Variants in NFX1 observed in about 807,000 individuals in gnomAD.
The protein encoded by NFX1 is transcriptional repressor NF-X1.
Under a neutral mutation model 137.2 loss-of-function variants are expected in NFX1, and 69 were observed. The ratio of observed to expected loss-of-function variants is 0.50; its 90% CI spans 0.41 to 0.61. The LOEUF is 0.61. Among genes scored for constraint, NFX1 ranks in the 20% least tolerant of loss-of-function variants. The probability of loss-of-function intolerance (pLI) is 0.00; values close to 1 mark genes in which losing one functional copy is unlikely to be tolerated. For synonymous variants in NFX1, 495 were observed against 474.1 expected (o/e 1.04, Z -0.57); for missense variants, 1,167 against 1,391.0 (o/e 0.84, Z 2.56).
intron 16 of NFX1, 95 bp downstream of exon 16, chr9:33,351,885 T>A: frequency 9.4e-7 from 1 of 1,058,616 alleles, no homozygotes; most frequent in Non-Finnish European, 1.3e-6. Context: ...GCATGCATCT[T>A]AATTAAGGGT....
chr9:33,297,995 T>C (rs1821419340), intron 2 of NFX1, among the ~76,000 whole-genome samples: 1 of 152,324 alleles, frequency 6.6e-6, no homozygotes, highest in African/African-American at 2.4e-5. Flanking sequence ...ATTATTCATA[T>C]CATTTTTGAG....
At chr9:33,348,773 A>T in intron 15 of NFX1, 1 of 985,184 alleles carries the variant, frequency 1.0e-6, no homozygotes. Flanking sequence ...TGCTACTGAG[A>T]AAGAAATACT....
intron 23 of NFX1, 30 bp from the exon 24 acceptor site, chr9:33,369,876 A>T (rs1248662601): frequency 9.6e-6 from 15 of 1,556,618 alleles, no homozygotes; most frequent in African/African-American, 1.4e-5. Flanking sequence ...CAAAGAAGAA[A>T]AGACTGATCA....
At position 33,333,147 on chromosome 9, in the gene NFX1, G is replaced by A. The variant is rs558902080; in HGVS notation, c.2035+645G>A. On this transcript the variant is annotated intron_variant, in intron 11 of 23. Transcript: ENST00000379540. The stretch of plus-strand genomic sequence containing the variant: ...AGGCATGAGTCACCACACCGGCCTC[G>A]ATTCCTGTTTTTATAACCGACACAT... Among the ~76,000 whole-genome samples the A allele has an allele frequency of 8.5e-4, 129 of 152,200 alleles. 1 individual carries two copies. Among genetic ancestry groups the A allele is most frequent in the South Asian group, 1.9e-3 (9 of 4,816 alleles).
intron 6 of NFX1, among the ~76,000 whole-genome samples, chr9:33,311,694 A>T (rs1821966005): frequency 6.6e-6 from 1 of 152,098 alleles, no homozygotes; most frequent in African/African-American, 2.4e-5. Context: ...CTGGGATTAC[A>T]GGCGCCTGCC....
chr9:33,347,005 AG>A (rs746325425), intron 14 of NFX1, 32 bp from the exon 15 acceptor site: 2 of 1,551,322 alleles, frequency 1.3e-6, no homozygotes, highest in South Asian at 2.2e-5. Flanking sequence ...TTATTTAGAA[AG>A]TATTCCTAAA....
intron 7 of NFX1, among the ~76,000 whole-genome samples, chr9:33,315,446 C>T (rs550060554): frequency 1.3e-5 from 2 of 152,270 alleles, no homozygotes; most frequent in South Asian, 2.1e-4. Flanking sequence ...AATATACTCT[C>T]TCCTTCGTCT....
At chr9:33,343,047 ATGAACAG>A (rs1303521942) in intron 13 of NFX1, among the ~76,000 whole-genome samples, 193 bp downstream of exon 13, 2 of 152,200 alleles carry the variant, frequency 1.3e-5, no homozygotes, top group African/African-American at 4.8e-5. Context: ...AACTTGGGAT[ATGAACAG>A]TGATCCTGAG....
chr9:33,366,897 A>G (rs1389822413), intron 22 of NFX1, 123 bp downstream of exon 22: 1 of 1,254,764 alleles, frequency 8.0e-7, no homozygotes, highest in East Asian at 2.6e-5. Flanking sequence ...TAGAAGGAAA[A>G]TCTGCTTCTC....
chr9:33,335,291 C>T (rs1476171123), intron 11 of NFX1, among the ~76,000 whole-genome samples: 4 of 141,858 alleles, frequency 2.8e-5, no homozygotes, highest in African/African-American at 1.1e-4. Flanking sequence ...AGTGCAGTGG[C>T]GCAATCTCAG....
chr9:33,301,901 A>G (rs1040538429), intron 3 of NFX1, among the ~76,000 whole-genome samples: 6 of 152,094 alleles, frequency 3.9e-5, no homozygotes, highest in Non-Finnish European at 7.4e-5. Context: ...GCAAAACTCC[A>G]TCTCTACTAA....
intron 7 of NFX1, among the ~76,000 whole-genome samples, 160 bp downstream of exon 7, chr9:33,313,953 C>G (rs1822058622): frequency 6.6e-6 from 1 of 151,984 alleles, no homozygotes; most frequent in African/African-American, 2.4e-5. Flanking sequence ...TATTATTTTA[C>G]CTGCATACCA....
intron 2 of NFX1, among the ~76,000 whole-genome samples, chr9:33,299,831 C>T (rs1821488591): frequency 6.6e-6 from 1 of 152,166 alleles, no homozygotes. Context: ...TCTCCCTTCT[C>T]CTGAGCTTTC....
chr9:33,290,681 T>A, intron 1 of NFX1, 84 bp downstream of exon 1: 1 of 1,395,484 alleles, frequency 7.2e-7, no homozygotes, highest in Non-Finnish European at 9.8e-7. Flanking sequence ...CCTCAGCCAC[T>A]CATATCGCGA....
At chr9:33,352,419 A>T in intron 16 of NFX1, 1 of 643,494 alleles carries the variant, frequency 1.6e-6, no homozygotes, top group South Asian at 1.5e-5. Flanking sequence ...AGGATTAAGA[A>T]CAGAGGTGGT....
At chr9:33,341,865 C>G (rs1480701680) in intron 12 of NFX1, among the ~76,000 whole-genome samples, 2 of 152,068 alleles carry the variant, frequency 1.3e-5, no homozygotes, top group Non-Finnish European at 2.9e-5. Flanking sequence ...GCCTGTAATC[C>G]CAGCACTTTG....
At chr9:33,314,993 T>G (rs1370583328) in intron 7 of NFX1, among the ~76,000 whole-genome samples, 1 of 152,214 alleles carries the variant, frequency 6.6e-6, no homozygotes. Flanking sequence ...ATTGTGAATA[T>G]AAGTTTATGT....
At chr9:33,296,850 A>G (rs1236185246) in intron 2 of NFX1, among the ~76,000 whole-genome samples, 1 of 152,194 alleles carries the variant, frequency 6.6e-6, no homozygotes, top group Non-Finnish European at 1.5e-5. Flanking sequence ...TCTATTACAG[A>G]ACTTACACTG....
At chr9:33,298,690 A>G (rs1246397718) in intron 2 of NFX1, among the ~76,000 whole-genome samples, 1 of 152,200 alleles carries the variant, frequency 6.6e-6, no homozygotes, top group African/African-American at 2.4e-5. Flanking sequence ...AGGTTGAACT[A>G]GGAGGATCGC....
Sources: allele counts gnomAD v4.1 joint callset (sites outside exome capture counted in the v4.1 genomes callset), GRCh38; gene constraint gnomAD v4.1.1; transcripts MANE v1.5; gene names NCBI Gene and HGNC (gene_info 2026-07-23, HGNC 2026-07-21).